The following BCAS3 variants were observed in gnomAD, a reference collection of about 807,000 sequenced individuals.
BCAS3 encodes BCAS4/BCAS3 fusion.
In BCAS3, 53 loss-of-function variants were observed where a neutral mutation model predicts 116.1. The ratio of observed to expected loss-of-function variants is 0.46; its 90% CI spans 0.37 to 0.57. The LOEUF (loss-of-function observed/expected upper bound fraction) is 0.57. Ranked by LOEUF, BCAS3 falls within the 20% of genes least tolerant of loss-of-function variation. The pLI is 0.00. For missense variants in BCAS3, 917 were observed against 1,165.4 expected, an observed-to-expected ratio of 0.79 and a Z score of 3.10; for synonymous variants, 391 against 408.2, an observed-to-expected ratio of 0.96 and a Z score of 0.51.
Position 61,375,569 on chromosome 17 carries a change from C to CTT in BCAS3, c.2593+7092_2593+7093dup, listed in dbSNP as rs909845597. 1.5e-3 allele frequency among the ~76,000 whole-genome samples: 199 copies of CTT among 136,566 alleles called. 1 individual carries two copies. The highest frequency in any genetic ancestry group is 4.7e-3 in the African/African-American group (172 of 36,226). 89.6% of individuals were successfully genotyped at this position (136,566 alleles called of 152,430 possible). ...GGCACCAGTACCATGTGTTAATTAT[C>CTT]TTTTTTTTTTTTTTTTTTGAGATGG... On this transcript the variant is annotated intron_variant, in intron 23 of 23. Transcript: ENST00000407086.
At chr17:61,078,782 G>T (rs2072269270) in intron 21 of BCAS3, among the ~76,000 whole-genome samples, 1 of 152,124 alleles carries the variant, frequency 6.6e-6, no homozygotes, top group Non-Finnish European at 1.5e-5. Flanking sequence ...CACTTTTCAA[G>T]CAATTCCACT....
intron 10 of BCAS3, chr17:60,899,800 A>ATT (rs530466181): frequency 3.3e-4 from 48 of 145,516 alleles, no homozygotes; most frequent in African/African-American, 1.1e-3. Flanking sequence ...CAGGCCCCTG[A>ATT]TTTTTTTTTT....
rs888908982 is a variant in BCAS3, at chr17:61,196,714, G to A, written c.2425+112150G>A. Reference sequence around the variant, plus strand: ...CTTTTCACCTAACTTAATCAAATAAGTGAAGACTTTCTGAGACGGAAGGCT... The same window carrying A: ...CTTTTCACCTAACTTAATCAAATAAATGAAGACTTTCTGAGACGGAAGGCT... On this transcript the variant is annotated intron_variant, in intron 22 of 23. Transcript: ENST00000407086. This position sits in a 1 kb window ranked among gnomAD's most constrained non-coding sequence, Gnocchi z 4.7. Among the ~76,000 whole-genome samples the A allele has an allele frequency of 6.6e-6, 1 of 152,236 alleles. No homozygotes were observed. The highest frequency in any genetic ancestry group is 2.4e-5 in the African/African-American group (1 of 41,462).
In BCAS3 at chr17:61,258,411, A is replaced by T. The variant is rs367608491; in HGVS notation, c.2426-109916A>T. Among the ~76,000 whole-genome samples, 24 of 152,332 alleles carry T rather than the reference A, an allele frequency of 1.6e-4. No individual in the cohort carries two copies. Among genetic ancestry groups the T allele is most frequent in the African/African-American group, 5.8e-4 (24 of 41,572 alleles). ...TGATCAAAAGAACACAGGTTTTTAG[A>T]GGCAGGTTTATCTAGGTTTGAGTTG... On this transcript the variant is annotated intron_variant, in intron 22 of 23. Transcript: ENST00000407086. The surrounding 1 kb of genome is among the most constrained non-coding windows in gnomAD (Gnocchi z 4.7).
intron 22 of BCAS3, among the ~76,000 whole-genome samples, chr17:61,201,776 T>G (rs1015218767): frequency 1.4e-5 from 2 of 146,998 alleles, no homozygotes; most frequent in African/African-American, 4.9e-5. Context: ...TTTTTTTTTT[T>G]GAGACAGGGT....
Position 61,051,025 on chromosome 17 carries a change from A to G in BCAS3, c.2029+10133A>G, listed in dbSNP as rs998397830. On this transcript the variant is annotated intron_variant, in intron 19 of 23. Transcript: ENST00000407086. The surrounding 1 kb of genome is among the most constrained non-coding windows in gnomAD (Gnocchi z 4.1). Reference sequence around the variant, plus strand: ...AAACTAACACACTTTTAAATAGTCCATGGTTCACAGAAGAAATCTAAAGGG... The same window carrying G: ...AAACTAACACACTTTTAAATAGTCCGTGGTTCACAGAAGAAATCTAAAGGG... 6.6e-6 allele frequency among the ~76,000 whole-genome samples: 1 copy of G among 152,094 alleles called. No homozygotes were observed. Among genetic ancestry groups the G allele is most frequent in the Admixed American group, 6.5e-5 (1 of 15,276 alleles).
chr17:61,127,696 A>G lies in BCAS3; in HGVS notation c.2425+43132A>G, dbSNP rs866701842. On this transcript the variant is annotated intron_variant, in intron 22 of 23. Coordinates refer to ENST00000407086, the MANE Select transcript of BCAS3 (RefSeq NM_017679.5). The stretch of plus-strand genomic sequence containing the variant: ...TATCTTGTATGCCCAGAGGTGGGAA[A>G]GAAGGAAATATTACCAAACTTCAAT... Among the ~76,000 whole-genome samples, 4 of 147,956 alleles carry G rather than the reference A, an allele frequency of 2.7e-5. No homozygotes were observed. The Admixed American group carries it at 2.8e-4, about 10-fold the overall frequency.
intron 12 of BCAS3, among the ~76,000 whole-genome samples, chr17:60,919,751 A>G (rs901981855): frequency 4.6e-5 from 7 of 152,062 alleles, no homozygotes; most frequent in Non-Finnish European, 1.0e-4. Flanking sequence ...AGGAGTAGGT[A>G]GCAGATGCCA....
At chr17:60,887,592 C>A (rs934918622) in intron 9 of BCAS3, 1 of 152,274 alleles carries the variant, frequency 6.6e-6, no homozygotes, top group East Asian at 1.9e-4. Flanking sequence ...AGTCCCAGCA[C>A]CGTTTGTTGA....
chr17:60,978,413 G>A (rs910612693), intron 14 of BCAS3, among the ~76,000 whole-genome samples: 2 of 151,302 alleles, frequency 1.3e-5, no homozygotes, highest in African/African-American at 4.9e-5. Context: ...CCCTTTGTGA[G>A]ATGAGTAGGT....
chr17:60,867,380 A>G (rs1289622809), intron 7 of BCAS3, among the ~76,000 whole-genome samples: 2 of 152,074 alleles, frequency 1.3e-5, no homozygotes, highest in African/African-American at 2.4e-5. Context: ...TGCTGGGGTT[A>G]CAGACGTGAG....
At chr17:60,717,793 G>A (rs887020739) in intron 5 of BCAS3, among the ~76,000 whole-genome samples, 1 of 152,128 alleles carries the variant, frequency 6.6e-6, no homozygotes. Context: ...GATAGTTTCA[G>A]TATGATTCAA....
chr17:60,742,394 A>G (rs1269275568), intron 5 of BCAS3, among the ~76,000 whole-genome samples: 1 of 146,204 alleles, frequency 6.8e-6, no homozygotes, highest in Non-Finnish European at 1.5e-5. Flanking sequence ...TCTATTCAGC[A>G]TTTCAAAATC....
At chr17:61,190,896 C>A (rs2080070321) in intron 22 of BCAS3, among the ~76,000 whole-genome samples, 1 of 152,012 alleles carries the variant, frequency 6.6e-6, no homozygotes, top group African/African-American at 2.4e-5. Flanking sequence ...AGCCACCGTG[C>A]CTGGACTACA....
At position 61,256,830 on chromosome 17, in the gene BCAS3, A is replaced by T. The variant is rs190019631; in HGVS notation, c.2426-111497A>T. 2.2e-3 allele frequency among the ~76,000 whole-genome samples: 339 copies of T among 152,242 alleles called. 2 individuals are homozygous for T. Among genetic ancestry groups the T allele is most frequent in the African/African-American group, 7.8e-3 (324 of 41,542 alleles). ...CCCAAAGTGATCTTCTCAGGCCTCA[A>T]CCCCAGCCCATGCAGATGGTATTTG... On this transcript the variant is annotated intron_variant, in intron 22 of 23. Transcript: ENST00000407086. The surrounding 1 kb of genome is among the most constrained non-coding windows in gnomAD (Gnocchi z 5.6).
intron 23 of BCAS3, among the ~76,000 whole-genome samples, chr17:61,373,424 A>C (rs1406608560): frequency 6.6e-6 from 1 of 151,314 alleles, no homozygotes; most frequent in African/African-American, 2.4e-5. Flanking sequence ...TCTCTGTTGC[A>C]GGAAGTATCT....
chr17:60,933,755 T>C (rs2059782067), intron 13 of BCAS3, among the ~76,000 whole-genome samples: 1 of 152,246 alleles, frequency 6.6e-6, no homozygotes, highest in Non-Finnish European at 1.5e-5. Flanking sequence ...TAACATAGCT[T>C]GAGATTTTTA....
At position 61,364,085 on chromosome 17, in the gene BCAS3, T is replaced by C. The variant is rs776377630; in HGVS notation, c.2426-4242T>C. Among the ~76,000 whole-genome samples, 7 of 152,110 alleles carry C rather than the reference T, an allele frequency of 4.6e-5. No individual in the cohort carries two copies. Among genetic ancestry groups the C allele is most frequent in the Non-Finnish European group, 1.0e-4 (7 of 68,002 alleles). ...ACAGCGGGTATGGCAGAGCCTCTGA[T>C]GGGACTCCTAGCAGGATAAGCAGGA... On this transcript the variant is annotated intron_variant, in intron 22 of 23. Transcript: ENST00000407086. The surrounding 1 kb of genome is among the most constrained non-coding windows in gnomAD (Gnocchi z 5.4).
chr17:61,353,375 C>A (rs138695291), intron 22 of BCAS3, among the ~76,000 whole-genome samples: 3 of 152,160 alleles, frequency 2.0e-5, no homozygotes, highest in African/African-American at 2.4e-5. Flanking sequence ...GTGACGCCGG[C>A]GGTCTGGGGA....
Sources: gnomAD v4.1 joint callset for allele counts (sites outside exome capture counted in the v4.1 genomes callset) on GRCh38, gnomAD v4.1.1 for gene constraint, Gnocchi (gnomAD v3.1) non-coding constraint, MANE v1.5 for transcripts, NCBI Gene and HGNC (gene_info 2026-07-23, HGNC 2026-07-21) for gene names.